Variants in PRPF6 observed in about 807,000 individuals in gnomAD.
The protein encoded by PRPF6 is pre-mRNA processing factor 6.
Under a neutral mutation model 118.3 loss-of-function variants are expected in PRPF6, and 42 were observed. The observed-to-expected ratio is 0.35, with a 90% CI of 0.28 to 0.46. The LOEUF (loss-of-function observed/expected upper bound fraction) is 0.46. Ranked by LOEUF, PRPF6 falls within the 20% of genes least tolerant of loss-of-function variation. The pLI is 1.00. For synonymous variants in PRPF6, 481 were observed against 485.1 expected (o/e 0.99, Z 0.11); for missense variants, 662 against 1,255.7 (o/e 0.53, Z 7.15).
intron 3 of PRPF6, among the ~76,000 whole-genome samples, chr20:63,990,707 C>T (rs372138280): frequency 7.9e-5 from 12 of 150,988 alleles, no homozygotes; most frequent in East Asian, 3.9e-4. Context: ...TGCAATGGCG[C>T]AACCTCGGCT....
intron 14 of PRPF6, 112 bp from the exon 15 acceptor site, chr20:64,025,827 G>A: frequency 6.3e-7 from 1 of 1,589,028 alleles, no homozygotes; most frequent in Non-Finnish European, 8.6e-7. Context: ...GACTAATCCT[G>A]TAGCAGAGCA....
At chr20:64,031,078 G>A (rs543071781) in intron 19 of PRPF6, among the ~76,000 whole-genome samples, 25 of 152,356 alleles carry the variant, frequency 1.6e-4, no homozygotes, top group African/African-American at 6.0e-4. Flanking sequence ...CTTCGGGCCC[G>A]GTTTTTCAGG....
chr20:63,999,179 C>T (rs1304612191), intron 7 of PRPF6, 40 bp downstream of exon 7: 1 of 1,545,366 alleles, frequency 6.5e-7, no homozygotes, highest in Non-Finnish European at 8.9e-7. Flanking sequence ...GATGGAGACT[C>T]TAGTTGCCTA....
At chr20:63,997,525 C>T (rs1226182932) in intron 6 of PRPF6, among the ~76,000 whole-genome samples, 2 of 149,084 alleles carry the variant, frequency 1.3e-5, no homozygotes, top group East Asian at 2.0e-4. Context: ...GGTGTGATCT[C>T]GGCTCACTGC....
chr20:63,981,851 G>A (rs1363459426), intron 1 of PRPF6, among the ~76,000 whole-genome samples: 1 of 151,900 alleles, frequency 6.6e-6, no homozygotes, highest in Non-Finnish European at 1.5e-5. Flanking sequence ...CACTAAGGAG[G>A]GTTTGCTATT....
At chr20:63,993,562 A>G (rs1249239150) in intron 4 of PRPF6, 77 bp downstream of exon 4, 2 of 1,236,102 alleles carry the variant, frequency 1.6e-6, no homozygotes, top group Non-Finnish European at 2.4e-6. Context: ...GACTGCTCTT[A>G]CGTGGAATTT....
chr20:64,000,119 A>C (rs1048029269), intron 8 of PRPF6, among the ~76,000 whole-genome samples: 1 of 151,878 alleles, frequency 6.6e-6, no homozygotes, highest in African/African-American at 2.4e-5. Context: ...GCCTGAATCC[A>C]CCACGCCTGA....
chr20:64,021,584 G>T (rs2059264357), intron 12 of PRPF6, among the ~76,000 whole-genome samples: 1 of 143,066 alleles, frequency 7.0e-6, no homozygotes, highest in Admixed American at 7.0e-5. Context: ...GTGCACATAT[G>T]CATATGCCTC....
In PRPF6 at chr20:64,028,114, C is replaced by A. The variant is rs1231569919; in HGVS notation, c.2340-364C>A. ...GGTGCAGGCTCTGTTCATGGAGGTGCTGCGTCCAGCTCAGGGTGACGGGGC... is the reference window on the plus strand; with the variant it reads ...GGTGCAGGCTCTGTTCATGGAGGTGATGCGTCCAGCTCAGGGTGACGGGGC... On this transcript the variant is annotated intron_variant, in intron 17 of 20. Coordinates refer to ENST00000266079, the MANE Select transcript of PRPF6 (RefSeq NM_012469.4). The surrounding 1 kb of genome is among the most constrained non-coding windows in gnomAD (Gnocchi z 6.5). 1.3e-5 allele frequency among the ~76,000 whole-genome samples: 2 copies of A among 152,134 alleles called. No individual in the cohort carries two copies. Among genetic ancestry groups the A allele is most frequent in the African/African-American group, 2.4e-5 (1 of 41,424 alleles).
At chr20:64,004,893 C>G (rs1601520326) in intron 9 of PRPF6, among the ~76,000 whole-genome samples, 2 of 152,322 alleles carry the variant, frequency 1.3e-5, no homozygotes, top group Non-Finnish European at 1.5e-5. Context: ...ATGCTCTGGC[C>G]TGTGAAGCGT....
chr20:64,007,310 C>T (rs140577342), intron 9 of PRPF6, among the ~76,000 whole-genome samples: 52 of 152,282 alleles, frequency 3.4e-4, no homozygotes, highest in African/African-American at 1.2e-3. Context: ...CAGCCTGGGG[C>T]TGTTTCTCAG....
At position 63,985,536 on chromosome 20, in the gene PRPF6, C is replaced by CT. The variant is rs140233526; in HGVS notation, c.359+513dup. Among the ~76,000 whole-genome samples, 322 of 152,238 alleles carry CT rather than the reference C, an allele frequency of 2.1e-3. 2 individuals carry two copies. Among genetic ancestry groups the CT allele is most frequent in the African/African-American group, 7.1e-3 (296 of 41,530 alleles). ...GGCTGCAGTGGAGAGCTTAAGAACTCTTAAGTTTTTCCAGAAATCAGCAGA... is the reference window on the plus strand; with the variant it reads ...GGCTGCAGTGGAGAGCTTAAGAACTCTTTAAGTTTTTCCAGAAATCAGCAGA... On this transcript the variant is annotated intron_variant, in intron 3 of 20. Transcript: ENST00000266079.
At chr20:64,009,433 C>T (rs912725128) in intron 9 of PRPF6, among the ~76,000 whole-genome samples, 4 of 151,988 alleles carry the variant, frequency 2.6e-5, no homozygotes. Context: ...AGGCATAGAG[C>T]ATTTCCAGGG....
intron 13 of PRPF6, 149 bp from the exon 14 acceptor site, chr20:64,024,404 ACT>A (rs2059278707): frequency 9.9e-7 from 1 of 1,009,556 alleles, no homozygotes. Context: ...ATTTCCCCAC[ACT>A]CTCCCCATTG....
At position 64,027,136 on chromosome 20, in the gene PRPF6, C is replaced by T. The variant is rs1470702476; in HGVS notation, c.2183C>T (p.Ala728Val). The change falls in exon 16 of 21, where the codon GCG becomes GTG. Residue 728 changes from alanine to valine, a missense_variant. By Grantham distance (64) the Ala-to-Val change is moderately conservative. Around this residue, in one of 10 missense-constraint regions of PRPF6, gnomAD observed 244 missense variants for 383.7 expected, o/e 0.64. Transcript: ENST00000266079. The surrounding 1 kb of genome is among the most constrained non-coding windows in gnomAD (Gnocchi z 6.5). ...GAGCAGAAGGAGATGATGGAGAAGG[C>T]GCGGGAAGCCTATAACCAGGGGGTA... ...IEEQKEMMEKAREAYNQGLKK... is the reference protein window; with the variant it reads ...IEEQKEMMEKVREAYNQGLKK... The T allele has an allele frequency of 6.2e-7, 1 of 1,613,696 alleles. No homozygotes were observed. Among genetic ancestry groups the T allele is most frequent in the African/African-American group, 1.3e-5 (1 of 75,018 alleles).
chr20:63,995,596 CCTCCTT>C lies in PRPF6; in HGVS notation c.771+117_771+122del, dbSNP rs1374364732. 9 of 1,210,352 alleles carry C rather than the reference CCTCCTT, an allele frequency of 7.4e-6. No individual in the cohort carries two copies. The East Asian group carries it at 1.7e-4, about 24-fold the overall frequency. The allele number at this position is 1,210,352 out of a possible 1,614,324, so 75.0% of individuals were successfully genotyped here. ...TTTTTCTTCTCCTCCTTCTCCTCCT[CCTCCTT>C]CTTCTCCTTCTCCTTTTTTTTTTTT... is the stretch of plus-strand genomic sequence containing the variant. On this transcript the variant is annotated intron_variant, in intron 6 of 20. Transcript: ENST00000266079.
Position 64,032,849 on chromosome 20 carries a change from G to A in PRPF6, c.2682G>A (p.Gln894=). 1 of 1,609,812 alleles carries A rather than the reference G, an allele frequency of 6.2e-7. No homozygotes were observed. The highest frequency in any genetic ancestry group is 8.5e-7 in the Non-Finnish European group (1 of 1,178,702). Residue 894 remains glutamine, a synonymous_variant, in exon 21 of 21, where the codon CAG becomes CAA. Transcript: ENST00000266079. ...FELQHGTEEQ[Q]EEVRKRCESA... ...CCCTGTGGTCCCCCCAGGAGCAGCA[G>A]GAGGAGGTGAGGAAGCGCTGTGAGA...
intron 12 of PRPF6, among the ~76,000 whole-genome samples, chr20:64,019,610 C>T (rs115521520): frequency 1.2e-3 from 188 of 152,244 alleles, no homozygotes; most frequent in African/African-American, 4.0e-3. Context: ...TCCAAGGAGG[C>T]GATGGAGAAT....
chr20:63,998,871 A>T (rs2059153361), intron 6 of PRPF6, among the ~76,000 whole-genome samples, 174 bp from the exon 7 acceptor site: 1 of 151,718 alleles, frequency 6.6e-6, no homozygotes, highest in African/African-American at 2.4e-5. Context: ...ATCTTTTTCC[A>T]TACAGAAGAA....
Sources: gnomAD v4.1 joint callset for allele counts (sites outside exome capture counted in the v4.1 genomes callset) on GRCh38, gnomAD v4.1.1 for gene constraint, gnomAD v4.1.1 regional missense constraint, Gnocchi (gnomAD v3.1) non-coding constraint, MANE v1.5 for transcripts, NCBI Gene and HGNC (gene_info 2026-07-23, HGNC 2026-07-21) for gene names.